SLC10A1: variants seen among roughly 807,000 people sequenced by gnomAD.
The protein encoded by SLC10A1 is hepatic sodium/bile acid cotransporter.
In SLC10A1, 36 loss-of-function variants were observed where a neutral mutation model predicts 20.5. That is an observed-to-expected ratio of 1.75 (90% CI 1.34 to 2.32). The LOEUF (loss-of-function observed/expected upper bound fraction) is 2.32. Ranked by LOEUF, SLC10A1 falls within the 30% of genes most tolerant of loss-of-function variation. The pLI, the probability that SLC10A1 is intolerant of heterozygous loss-of-function variation, is 0.00. For synonymous variants in SLC10A1, 188 were observed against 163.6 expected, an observed-to-expected ratio of 1.15 and a Z score of -1.14; for missense variants, 545 against 439.1, an observed-to-expected ratio of 1.24 and a Z score of -2.16.
At chr14:69,778,554 A>G (rs1883508873) in intron 3 of SLC10A1, 25 bp from the exon 4 acceptor site, 5 of 1,565,460 alleles carry the variant, frequency 3.2e-6, no homozygotes, top group Non-Finnish European at 4.3e-6. Flanking sequence ...AAAACCCCAC[A>G]TACACTCAGA....
chr14:69,781,127 C>T (rs1883581447), intron 2 of SLC10A1, among the ~76,000 whole-genome samples: 1 of 152,138 alleles, frequency 6.6e-6, no homozygotes, highest in Non-Finnish European at 1.5e-5. Flanking sequence ...AGGTTGACGG[C>T]ATAGGACCTG....
intron 1 of SLC10A1, among the ~76,000 whole-genome samples, chr14:69,795,471 T>G (rs1426922171): frequency 6.7e-6 from 1 of 150,366 alleles, no homozygotes; most frequent in African/African-American, 2.5e-5. Context: ...AGTGGTGTGA[T>G]CATGACTCAC....
intron 1 of SLC10A1, among the ~76,000 whole-genome samples, chr14:69,787,388 T>C (rs969622492): frequency 6.6e-6 from 1 of 152,214 alleles, no homozygotes; most frequent in African/African-American, 2.4e-5. Flanking sequence ...ATTAACAATA[T>C]ATGGCTCTGA....
At chr14:69,786,453 A>G in intron 1 of SLC10A1, 146 bp from the exon 2 acceptor site, 1 of 652,934 alleles carries the variant, frequency 1.5e-6, no homozygotes, top group Non-Finnish European at 2.7e-6. Flanking sequence ...CAGTAAGCAT[A>G]CTATCTTCTT....
intron 1 of SLC10A1, among the ~76,000 whole-genome samples, chr14:69,789,304 C>T (rs1277728197): frequency 6.6e-6 from 1 of 152,186 alleles, no homozygotes; most frequent in African/African-American, 2.4e-5. Flanking sequence ...AGAAACAACC[C>T]ATGTGTCCAT....
intron 4 of SLC10A1, 31 bp from the exon 5 acceptor site, chr14:69,776,419 A>G (rs774909893): frequency 4.0e-6 from 6 of 1,516,690 alleles, no homozygotes; most frequent in Non-Finnish European, 5.5e-6. Context: ...ACAGGTGTAG[A>G]GAGAGAACAA....
Position 69,776,183 on chromosome 14 carries a change from A to G in SLC10A1, c.*99T>C, listed in dbSNP as rs1883441117. 1 of 797,832 alleles carries G rather than the reference A, an allele frequency of 1.3e-6. No individual in the cohort carries two copies. The highest frequency in any genetic ancestry group is 2.1e-6 in the Non-Finnish European group (1 of 476,262). The allele number at this position is 797,832 out of a possible 1,614,324, so 49.4% of individuals were successfully genotyped here. On this transcript the variant is annotated 3_prime_UTR_variant, in exon 5 of 5. Transcript: ENST00000216540. ...TAGATGTACTGGAAATGCTGGAGAA[A>G]GACTCAGGCAAGACTGGTGTTTTTG...
At chr14:69,791,546 A>T (rs10142027) in intron 1 of SLC10A1, among the ~76,000 whole-genome samples, 2 of 151,758 alleles carry the variant, frequency 1.3e-5, no homozygotes, top group African/African-American at 4.9e-5. Flanking sequence ...GTGATCGGCC[A>T]GCCTTGACCT....
intron 2 of SLC10A1, among the ~76,000 whole-genome samples, chr14:69,779,595 C>T (rs1883541247): frequency 6.6e-6 from 1 of 152,186 alleles, no homozygotes; most frequent in African/African-American, 2.4e-5. Flanking sequence ...TACTCCTGGA[C>T]TCTTAGCGGT....
intron 1 of SLC10A1, among the ~76,000 whole-genome samples, chr14:69,792,330 T>C (rs1172794671): frequency 6.6e-6 from 1 of 152,066 alleles, no homozygotes; most frequent in Non-Finnish European, 1.5e-5. Context: ...GCAACATATA[T>C]AAAACAATAA....
At chr14:69,796,412 C>G (rs967571505) in intron 1 of SLC10A1, among the ~76,000 whole-genome samples, 2 of 152,168 alleles carry the variant, frequency 1.3e-5, no homozygotes, top group African/African-American at 4.8e-5. Context: ...ATGTTTGGAA[C>G]GAATCACACT....
chr14:69,790,473 A>G (rs1412776160), intron 1 of SLC10A1, among the ~76,000 whole-genome samples: 1 of 152,114 alleles, frequency 6.6e-6, no homozygotes, highest in African/African-American at 2.4e-5. Flanking sequence ...TAAAAAATAC[A>G]ATGAACAAGA....
At chr14:69,783,593 A>AAACCAGTGAGG (rs1883646885) in intron 2 of SLC10A1, among the ~76,000 whole-genome samples, 1 of 152,240 alleles carries the variant, frequency 6.6e-6, no homozygotes, top group Non-Finnish European at 1.5e-5. Context: ...TGGTGAGGTC[A>AAACCAGTGAGG]GTTGAAACCA....
chr14:69,783,581 A>C (rs1374070569), intron 2 of SLC10A1, among the ~76,000 whole-genome samples: 1 of 152,118 alleles, frequency 6.6e-6, no homozygotes, highest in Non-Finnish European at 1.5e-5. Flanking sequence ...AAGAGCTGAG[A>C]CTGGTGAGGT....
At chr14:69,784,585 T>TA (rs1392474381) in intron 2 of SLC10A1, among the ~76,000 whole-genome samples, 1 of 152,022 alleles carries the variant, frequency 6.6e-6, no homozygotes, top group African/African-American at 2.4e-5. Flanking sequence ...CAAAGGGAGA[T>TA]ATTAGGTGGA....
chr14:69,785,764 AT>A (rs35730433), intron 2 of SLC10A1, among the ~76,000 whole-genome samples: 12,666 of 135,740 alleles, frequency 0.093, 602 homozygotes, highest in East Asian at 0.16. Context: ...TGCCCGGCTA[AT>A]TTTTTTTTTT....
Position 69,776,151 on chromosome 14 carries a change from A to G in SLC10A1, c.*131T>C. The G allele has an allele frequency of 1.5e-6, 1 of 688,268 alleles. No homozygotes were observed. The highest frequency in any genetic ancestry group is 2.5e-6 in the Non-Finnish European group (1 of 393,488). 42.6% of individuals were successfully genotyped at this position (688,268 alleles called of 1,614,324 possible). A position where few individuals can be genotyped will look rare whatever the true frequency, so the allele number is the denominator to read the frequency against. ...CTGTGTTCCCGGCCAAGACTTGATG[A>G]TTCTGATAGATGTACTGGAAATGCT... is the stretch of plus-strand genomic sequence containing the variant. On this transcript the variant is annotated 3_prime_UTR_variant, in exon 5 of 5. Coordinates refer to ENST00000216540, the MANE Select transcript of SLC10A1 (RefSeq NM_003049.4).
At position 69,775,852 on chromosome 14, in the gene SLC10A1, G is replaced by T. The variant is rs1353905171; in HGVS notation, c.*430C>A. On this transcript the variant is annotated 3_prime_UTR_variant, in exon 5 of 5. Coordinates refer to ENST00000216540, the MANE Select transcript of SLC10A1 (RefSeq NM_003049.4). ...AACTTTTTAGGTTAGAACTTCTGAA[G>T]TTTAATTCTACAGCACTTGTGAGCA... The T allele has an allele frequency of 6.5e-6, 1 of 154,972 alleles. No individual in the cohort carries two copies. The highest frequency in any genetic ancestry group is 1.4e-5 in the Non-Finnish European group (1 of 70,012). The allele number at this position is 154,972 out of a possible 1,614,324, so 9.6% of individuals were successfully genotyped here.
In SLC10A1 at chr14:69,786,427, TC is replaced by T. The variant is rs202027301; in HGVS notation, c.357-121del. 10,786 of 725,558 alleles carry T rather than the reference TC, an allele frequency of 0.015. 853 individuals carry two copies. In the African/African-American group the frequency reaches 0.17, roughly 11 times the overall value. The allele number at this position is 725,558 out of a possible 1,614,324, so 44.9% of individuals were successfully genotyped here. On this transcript the variant is annotated intron_variant, in intron 1 of 4. Transcript: ENST00000216540. ...TGACATATGTGGCTTCAGTTCCTTT[TC>T]CCCATAACATTAGGCAGTAAGCATA...
Sources: allele counts gnomAD v4.1 joint callset (sites outside exome capture counted in the v4.1 genomes callset), GRCh38; gene constraint gnomAD v4.1.1; transcripts MANE v1.5; gene names NCBI Gene and HGNC (gene_info 2026-07-23, HGNC 2026-07-21).